Variants in OCIAD2 observed in about 807,000 individuals in gnomAD.
OCIAD2 encodes the protein OCIA domain-containing protein 2.
In OCIAD2, 29 loss-of-function variants were observed where a neutral mutation model predicts 22.9. The ratio of observed to expected loss-of-function variants is 1.27; its 90% CI spans 0.94 to 1.73. The LOEUF (loss-of-function observed/expected upper bound fraction) is 1.73, where lower values mean the gene tolerates loss of function less well. OCIAD2 is among the 40% of genes most tolerant of loss of function. The pLI, the probability that OCIAD2 is intolerant of heterozygous loss-of-function variation, is 0.00. For missense variants in OCIAD2, 189 were observed against 180.3 expected (o/e 1.05, Z -0.28); for synonymous variants, 67 against 60.2 (o/e 1.11, Z -0.52).
chr4:48,904,442 G>A (rs761707012), intron 2 of OCIAD2, 42 bp downstream of exon 2: 34 of 1,539,108 alleles, frequency 2.2e-5, no homozygotes, highest in South Asian at 2.0e-4. Context: ...GTGTGAGATC[G>A]TGTCTCAATC....
chr4:48,904,397 CA>C, intron 2 of OCIAD2, 86 bp downstream of exon 2: 1 of 1,149,274 alleles, frequency 8.7e-7, no homozygotes, highest in South Asian at 1.2e-5. Context: ...TGCAGTGAGC[CA>C]TGACTGCACC....
intron 3 of OCIAD2, 100 bp downstream of exon 3, chr4:48,899,729 T>C: frequency 1.3e-6 from 1 of 790,334 alleles, no homozygotes. Flanking sequence ...GTTCATCAGA[T>C]ATTTATGCAA....
At chr4:48,890,126 G>T (rs2109668399) in intron 6 of OCIAD2, among the ~76,000 whole-genome samples, 1 of 150,962 alleles carries the variant, frequency 6.6e-6, no homozygotes, top group African/African-American at 2.4e-5. Context: ...GGAGGGGGAA[G>T]AGATAGCATT....
chr4:48,885,328 A>C lies in OCIAD2; in HGVS notation c.*156T>G. 1.5e-6 allele frequency: 1 copy of C among 671,348 alleles called. No individual in the cohort carries two copies. Among genetic ancestry groups the C allele is most frequent in the South Asian group, 1.9e-5 (1 of 53,800 alleles). The allele number at this position is 671,348 out of a possible 1,614,324, so 41.6% of individuals were successfully genotyped here. A position where few individuals can be genotyped will look rare whatever the true frequency, so the allele number is the denominator to read the frequency against. ...AAGAGCAGAAAAACATGTAACGCTTAGTTCACTTGAAAGCCTTCCACGGAA... is the reference window on the plus strand; with the variant it reads ...AAGAGCAGAAAAACATGTAACGCTTCGTTCACTTGAAAGCCTTCCACGGAA... On this transcript the variant is annotated 3_prime_UTR_variant, in exon 7 of 7. Transcript: ENST00000508632.
chr4:48,904,896 G>A (rs1174487577), intron 1 of OCIAD2, among the ~76,000 whole-genome samples: 1 of 152,130 alleles, frequency 6.6e-6, no homozygotes, highest in Non-Finnish European at 1.5e-5. Flanking sequence ...CAAGATCACC[G>A]CTGTGAAGGA....
At chr4:48,898,549 A>C (rs1431068110) in intron 3 of OCIAD2, among the ~76,000 whole-genome samples, 1 of 152,198 alleles carries the variant, frequency 6.6e-6, no homozygotes, top group Non-Finnish European at 1.5e-5. Context: ...AAATCTCTCC[A>C]GTTGGCCCAA....
intron 3 of OCIAD2, among the ~76,000 whole-genome samples, chr4:48,898,774 G>A (rs561632418): frequency 6.6e-6 from 1 of 152,264 alleles, no homozygotes; most frequent in Non-Finnish European, 1.5e-5. Flanking sequence ...TTTAAAACAG[G>A]AAATTTAGTC....
chr4:48,900,030 T>A, intron 2 of OCIAD2, 105 bp from the exon 3 acceptor site: 1 of 732,308 alleles, frequency 1.4e-6, no homozygotes, highest in Middle Eastern at 2.4e-4. Flanking sequence ...TTACACAGTG[T>A]GTGTTCTCTA....
At chr4:48,888,370 T>C (rs1781057265) in intron 6 of OCIAD2, among the ~76,000 whole-genome samples, 1 of 152,198 alleles carries the variant, frequency 6.6e-6, no homozygotes, top group East Asian at 1.9e-4. Context: ...CTTCCAACAC[T>C]ATGTTGAATA....
At chr4:48,897,708 C>G in intron 4 of OCIAD2, 96 bp downstream of exon 4, 1 of 898,656 alleles carries the variant, frequency 1.1e-6, no homozygotes, top group Non-Finnish European at 1.9e-6. Context: ...ACATCCTTCA[C>G]CAAAAAATAA....
chr4:48,889,171 G>A (rs1781086710), intron 6 of OCIAD2, among the ~76,000 whole-genome samples: 1 of 152,170 alleles, frequency 6.6e-6, no homozygotes, highest in Non-Finnish European at 1.5e-5. Flanking sequence ...ATTTCTGTGG[G>A]ATCAGTGGTG....
In OCIAD2 at chr4:48,901,920, C is replaced by A. The variant is rs578109416; in HGVS notation, c.67-1995G>T. 1.3e-3 allele frequency among the ~76,000 whole-genome samples: 200 copies of A among 151,872 alleles called. 1 individual carries two copies. The highest frequency in any genetic ancestry group is 4.3e-3 in the African/African-American group (177 of 41,410). On this transcript the variant is annotated intron_variant, in intron 2 of 6. Transcript: ENST00000508632. ...ATCATGCCCAGCTAATTGAAAAAAC[C>A]ATTTTTTTAATAGAGCTGGGGGAGG...
In OCIAD2 at chr4:48,897,812, A is replaced by C; in HGVS notation, c.209T>G (p.Val70Gly). 1 of 1,610,892 alleles carries C rather than the reference A, an allele frequency of 6.2e-7. No individual in the cohort carries two copies. Among genetic ancestry groups the C allele is most frequent in the South Asian group, 1.1e-5 (1 of 90,946 alleles). ...LVSMLVTQGL[V>G]YQGYLAANSR... ...CAAATATTGAATCTTACCTTGGTAGACTAGTCCCTGGGTGACAAGCATGCT... is the reference window on the plus strand; with the variant it reads ...CAAATATTGAATCTTACCTTGGTAGCCTAGTCCCTGGGTGACAAGCATGCT... The change falls in exon 4 of 7, where the codon GTC (valine) becomes GGC (glycine). Residue 70 changes from valine to glycine, a missense_variant. Transcript: ENST00000508632.
At chr4:48,897,757 A>T in intron 4 of OCIAD2, 47 bp downstream of exon 4, 1 of 1,456,266 alleles carries the variant, frequency 6.9e-7, no homozygotes, top group Non-Finnish European at 9.6e-7. Flanking sequence ...GGTCACAGTA[A>T]ACTGGGCTCT....
At chr4:48,894,469 G>T (rs1781258144) in intron 4 of OCIAD2, among the ~76,000 whole-genome samples, 1 of 151,988 alleles carries the variant, frequency 6.6e-6, no homozygotes, top group Admixed American at 6.6e-5. Context: ...CTCCAGCCTG[G>T]GTGACAGAGC....
chr4:48,885,317 A>AAACT lies in OCIAD2; in HGVS notation c.*166_*167insAGTT, dbSNP rs397808599. The AAACT allele has an allele frequency of 4.6e-6, 3 of 654,200 alleles. No individual in the cohort carries two copies. The East Asian group carries it at 7.8e-5, about 17-fold the overall frequency. The allele number at this position is 654,200 out of a possible 1,614,324, so 40.5% of individuals were successfully genotyped here. On this transcript the variant is annotated 3_prime_UTR_variant, in exon 7 of 7. Coordinates refer to ENST00000508632, the MANE Select transcript of OCIAD2 (RefSeq NM_001014446.3). ...ACATGTTCTTAAAGAGCAGAAAAAC[A>AAACT]TGTAACGCTTAGTTCACTTGAAAGC...
intron 6 of OCIAD2, among the ~76,000 whole-genome samples, chr4:48,889,019 G>A (rs1277715997): frequency 1.3e-5 from 2 of 152,202 alleles, no homozygotes; most frequent in East Asian, 1.9e-4. Context: ...TTCAGAGCCT[G>A]TTATTAGTCT....
chr4:48,897,942 T>TTC, intron 3 of OCIAD2, 85 bp from the exon 4 acceptor site: 1 of 860,780 alleles, frequency 1.2e-6, no homozygotes, highest in East Asian at 2.4e-5. Flanking sequence ...TCTGAGCTTT[T>TTC]TCTCTTACCT....
At position 48,887,164 on chromosome 4, in the gene OCIAD2, C is replaced by T. The variant is rs907330417; in HGVS notation, c.384-1599G>A. On this transcript the variant is annotated intron_variant, in intron 6 of 6. Transcript: ENST00000508632. ...CTTTTGAGAAGTGTCTGTTCATATCCTTTGCCCACTTGTTGATGGGGTTGT... is the reference window on the plus strand; with the variant it reads ...CTTTTGAGAAGTGTCTGTTCATATCTTTTGCCCACTTGTTGATGGGGTTGT... Among the ~76,000 whole-genome samples the T allele has an allele frequency of 1.1e-4, 16 of 152,170 alleles. No homozygotes were observed. In the South Asian group the frequency reaches 2.1e-3, roughly 20 times the overall value.
Sources: gnomAD v4.1 joint callset for allele counts (sites outside exome capture counted in the v4.1 genomes callset) on GRCh38, gnomAD v4.1.1 for gene constraint, MANE v1.5 for transcripts, NCBI Gene and HGNC (gene_info 2026-07-23, HGNC 2026-07-21) for gene names.